The following AHI1 variants were observed in gnomAD, a reference collection of about 807,000 sequenced individuals.
AHI1 encodes the protein jouberin.
AHI1 carries 123 observed loss-of-function variants against 149.3 expected under a neutral mutation model. The observed-to-expected ratio is 0.82, with a 90% CI of 0.71 to 0.96. The LOEUF is 0.96. Among genes scored for constraint, AHI1 ranks in the 40% least tolerant of loss-of-function variants. The probability of loss-of-function intolerance (pLI) is 0.00; values close to 1 mark genes in which losing one functional copy is unlikely to be tolerated. For synonymous variants in AHI1, 475 were observed against 459.8 expected (o/e 1.03, Z -0.42); for missense variants, 1,439 against 1,422.7 (o/e 1.01, Z -0.18).
chr6:135,482,477 T>TG (rs939614960), intron 5 of AHI1, among the ~76,000 whole-genome samples: 122 of 152,214 alleles, frequency 8.0e-4, no homozygotes, highest in African/African-American at 2.7e-3. Context: ...CTGTTTTTTT[T>TG]TTTGTTTGTT....
intron 23 of AHI1, among the ~76,000 whole-genome samples, chr6:135,387,534 T>C (rs746670843): frequency 6.6e-6 from 1 of 152,170 alleles, no homozygotes; most frequent in Non-Finnish European, 1.5e-5. Context: ...GAAAGTTAAG[T>C]GTTCTAGTGG....
Position 135,387,948 on chromosome 6 carries a change from C to T in AHI1, c.3109+6828G>A, listed in dbSNP as rs17064487. The T allele has an allele frequency of 2.2e-3, 3,554 of 1,612,506 alleles. 85 individuals carry two copies. In the African/African-American group the frequency reaches 0.042, roughly 19 times the overall value. ...GTTAGGAAGTGGTGGGATCCCAGGT[C>T]GGCTCAGTTCTTCTGGCTGGCTGAC... On this transcript the variant is annotated intron_variant, in intron 23 of 28. Coordinates refer to ENST00000265602, the MANE Select transcript of AHI1 (RefSeq NM_001134831.2).
chr6:135,374,106 ATATTTTT>A (rs1282328348), intron 23 of AHI1, among the ~76,000 whole-genome samples: 25 of 29,438 alleles, frequency 8.5e-4, no homozygotes, highest in South Asian at 3.6e-3. Flanking sequence ...ATATATATAT[ATATTTTT>A]TTTTTTTTTT....
chr6:135,395,532 C>T (rs955764647), intron 22 of AHI1, among the ~76,000 whole-genome samples: 22 of 151,838 alleles, frequency 1.4e-4, no homozygotes, highest in African/African-American at 5.1e-4. Context: ...ACTAGCCTCA[C>T]AGAAATGAAA....
At chr6:135,322,506 A>G (rs1787021490) in intron 25 of AHI1, among the ~76,000 whole-genome samples, 1 of 151,958 alleles carries the variant, frequency 6.6e-6, no homozygotes, top group Non-Finnish European at 1.5e-5. Flanking sequence ...GCTATTATTT[A>G]ATGAACAAAA....
In AHI1 at chr6:135,404,590, T is replaced by C. The variant is rs1041874378; in HGVS notation, c.2988+361A>G. 5.3e-5 allele frequency among the ~76,000 whole-genome samples: 8 copies of C among 152,264 alleles called. No individual in the cohort carries two copies. The East Asian group carries it at 1.5e-3, about 29-fold the overall frequency. ...TACAGCTTGCATGCATTTCAATGCT[T>C]ATACAGTTTACTCAGCATATACCTA... is the stretch of plus-strand genomic sequence containing the variant. On this transcript the variant is annotated intron_variant, in intron 22 of 28. Transcript: ENST00000265602.
intron 11 of AHI1, among the ~76,000 whole-genome samples, chr6:135,449,430 T>C (rs143436438): frequency 2.3e-4 from 35 of 152,212 alleles, no homozygotes; most frequent in Admixed American, 2.1e-3. Context: ...TGACTCAAAA[T>C]AGGAAATGAA....
At chr6:135,381,712 T>A (rs1265680042) in intron 23 of AHI1, among the ~76,000 whole-genome samples, 1 of 152,320 alleles carries the variant, frequency 6.6e-6, no homozygotes, top group Non-Finnish European at 1.5e-5. Flanking sequence ...GGACTTACTC[T>A]CCCCTCTGTG....
At chr6:135,299,614 T>C (rs1051608298) in intron 27 of AHI1, among the ~76,000 whole-genome samples, 4 of 152,172 alleles carry the variant, frequency 2.6e-5, no homozygotes, top group African/African-American at 9.7e-5. Context: ...ATGATAAAAA[T>C]TGAGAAATAT....
chr6:135,421,252 T>C (rs966452643), intron 20 of AHI1, among the ~76,000 whole-genome samples: 1 of 151,984 alleles, frequency 6.6e-6, no homozygotes, highest in Non-Finnish European at 1.5e-5. Context: ...GCTACGAAAA[T>C]GTGACAGAGA....
At chr6:135,445,970 G>A (rs1583272195) in intron 13 of AHI1, among the ~76,000 whole-genome samples, 1 of 152,094 alleles carries the variant, frequency 6.6e-6, no homozygotes, top group East Asian at 1.9e-4. Context: ...GCAGAAGAAT[G>A]GCATGAACCC....
intron 5 of AHI1, among the ~76,000 whole-genome samples, chr6:135,482,610 G>T (rs113584523): frequency 3.3e-5 from 5 of 151,784 alleles, no homozygotes; most frequent in South Asian, 2.1e-4. Flanking sequence ...TTAATCTGTA[G>T]AAGTATAATT....
At chr6:135,459,653 A>G (rs945379332) in intron 8 of AHI1, among the ~76,000 whole-genome samples, 19 of 151,964 alleles carry the variant, frequency 1.3e-4, no homozygotes, top group African/African-American at 4.4e-4. Flanking sequence ...AACATGGGAC[A>G]GCCTTTCAGA....
chr6:135,394,344 T>G (rs866955768), intron 23 of AHI1, among the ~76,000 whole-genome samples: 1 of 152,084 alleles, frequency 6.6e-6, no homozygotes, highest in Non-Finnish European at 1.5e-5. Context: ...TTTGCATATT[T>G]TGTTAATTTG....
intron 27 of AHI1, among the ~76,000 whole-genome samples, chr6:135,298,343 CAAAA>C (rs1175749260): frequency 1.5e-5 from 2 of 131,160 alleles, no homozygotes; most frequent in Non-Finnish European, 3.3e-5. Context: ...AAAAAAAAAA[CAAAA>C]AAACAAGACA....
intron 23 of AHI1, among the ~76,000 whole-genome samples, chr6:135,379,503 T>A (rs1412265061): frequency 6.6e-6 from 1 of 152,232 alleles, no homozygotes; most frequent in Non-Finnish European, 1.5e-5. Flanking sequence ...GGCCTTATTG[T>A]CTTCTTTAAC....
chr6:135,358,522 A>G (rs2128437418), intron 23 of AHI1, among the ~76,000 whole-genome samples: 1 of 152,314 alleles, frequency 6.6e-6, no homozygotes, highest in South Asian at 2.1e-4. Context: ...TTTATTTCTG[A>G]TTCAAGGATA....
intron 23 of AHI1, among the ~76,000 whole-genome samples, chr6:135,368,465 T>C (rs1011959067): frequency 6.6e-6 from 1 of 152,136 alleles, no homozygotes; most frequent in Non-Finnish European, 1.5e-5. Context: ...ATTATATCCT[T>C]TGTCTTAAGG....
chr6:135,367,899 T>C (rs1774422794), intron 23 of AHI1, among the ~76,000 whole-genome samples: 1 of 152,208 alleles, frequency 6.6e-6, no homozygotes, highest in African/African-American at 2.4e-5. Flanking sequence ...TGAGCTAGTG[T>C]GATCTTTTGG....
Sources: allele counts gnomAD v4.1 joint callset (sites outside exome capture counted in the v4.1 genomes callset), GRCh38; gene constraint gnomAD v4.1.1; transcripts MANE v1.5; gene names NCBI Gene and HGNC (gene_info 2026-07-23, HGNC 2026-07-21).